C12orf54: variants seen among roughly 807,000 people sequenced by gnomAD.
The protein encoded by C12orf54 is uncharacterized protein C12orf54.
Under a neutral mutation model 26.4 loss-of-function variants are expected in C12orf54, and 24 were observed. The observed-to-expected ratio is 0.91, with a 90% CI of 0.66 to 1.28. The LOEUF is 1.28. C12orf54 is among the 50% of genes most tolerant of loss of function. The pLI is 0.00. For missense variants in C12orf54, 154 were observed against 150.9 expected (o/e 1.02, Z -0.11); for synonymous variants, 54 against 47.0 (o/e 1.15, Z -0.61).
At chr12:48,416,425 G>A in the C12orf54 span, among the ~76,000 whole-genome samples, 4 of 152,148 alleles carry the variant, frequency 2.6e-5, no homozygotes, top group African/African-American at 9.7e-5. Flanking sequence ...TCTTCTGACT[G>A]GAATGTCCTT....
chr12:48,495,434 C>T (rs928185145), intron 8 of C12orf54: 2 of 153,070 alleles, frequency 1.3e-5, no homozygotes, highest in African/African-American at 4.8e-5. Context: ...CACAGTCTAT[C>T]CTTTATAGAC....
At chr12:48,482,814 G>T (rs1954212193) in intron 1 of C12orf54, among the ~76,000 whole-genome samples, 1 of 151,920 alleles carries the variant, frequency 6.6e-6, no homozygotes, top group East Asian at 1.9e-4. Flanking sequence ...GGGAGGGGGT[G>T]GGGTATTTGA....
chr12:48,434,339 G>A, the C12orf54 span, among the ~76,000 whole-genome samples: 1 of 152,204 alleles, frequency 6.6e-6, no homozygotes, highest in African/African-American at 2.4e-5. Flanking sequence ...TCTGGGGGCA[G>A]GGCACAGACA....
chr12:48,479,603 GTT>G (rs201487358), upstream of C12orf54, among the ~76,000 whole-genome samples: 1 of 145,624 alleles, frequency 6.9e-6, no homozygotes, highest in African/African-American at 2.5e-5. Context: ...GTTTTGTTTT[GTT>G]TTTTTTTTTC....
rs1954267942 is a variant in C12orf54, at chr12:48,486,491, G to A, written c.97-197G>A. On this transcript the variant is annotated intron_variant, in intron 3 of 8. Transcript: ENST00000548364. Reference sequence around the variant, plus strand: ...ACCTGTCATGCACCAGCTAGATCCAGAGCGAAGCAGGATATATGGGATGAA... The same window carrying A: ...ACCTGTCATGCACCAGCTAGATCCAAAGCGAAGCAGGATATATGGGATGAA... The A allele has an allele frequency of 4.7e-6, 3 of 643,946 alleles. No homozygotes were observed. In the South Asian group the frequency reaches 5.8e-5, roughly 12 times the overall value. The allele number at this position is 643,946 out of a possible 1,614,324, so 39.9% of individuals were successfully genotyped here.
At chr12:48,425,474 T>A in the C12orf54 span, among the ~76,000 whole-genome samples, 2 of 152,142 alleles carry the variant, frequency 1.3e-5, no homozygotes, top group Admixed American at 6.6e-5. Context: ...ATCCAATCTG[T>A]CATTGATGCA....
upstream of C12orf54, among the ~76,000 whole-genome samples, chr12:48,477,823 G>T (rs1051484136): frequency 1.3e-5 from 2 of 152,168 alleles, no homozygotes; most frequent in Admixed American, 6.5e-5. Context: ...GAGGTACAAA[G>T]GGGAGATGAT....
chr12:48,463,506 C>A, the C12orf54 span, among the ~76,000 whole-genome samples: 1 of 151,796 alleles, frequency 6.6e-6, no homozygotes, highest in African/African-American at 2.4e-5. Context: ...CAAAGAAGAG[C>A]TGGTACCAAG....
intron 4 of C12orf54, 88 bp downstream of exon 4, chr12:48,486,814 C>A: frequency 7.4e-7 from 1 of 1,353,622 alleles, no homozygotes; most frequent in Non-Finnish European, 1.0e-6. Flanking sequence ...CTTTCTCTTT[C>A]CTTGAGCGGT....
At chr12:48,468,739 A>C in the C12orf54 span, among the ~76,000 whole-genome samples, 1 of 152,286 alleles carries the variant, frequency 6.6e-6, no homozygotes, top group South Asian at 2.1e-4. Context: ...CCCAATAGGT[A>C]GTTTTCCAGC....
chr12:48,436,021 A>G, the C12orf54 span, among the ~76,000 whole-genome samples: 4 of 152,152 alleles, frequency 2.6e-5, no homozygotes, highest in African/African-American at 7.2e-5. Context: ...CCCATCTCAC[A>G]TGCAGAGACA....
chr12:48,476,591 C>G, the C12orf54 span, among the ~76,000 whole-genome samples: 27 of 152,246 alleles, frequency 1.8e-4, no homozygotes, highest in African/African-American at 6.3e-4. Flanking sequence ...GCAGGGGTTG[C>G]AATCCTAGTC....
At chr12:48,468,430 G>A in the C12orf54 span, among the ~76,000 whole-genome samples, 1 of 152,156 alleles carries the variant, frequency 6.6e-6, no homozygotes, top group African/African-American at 2.4e-5. Flanking sequence ...TAAGCATGAT[G>A]CAGAGGGAAC....
the C12orf54 span, among the ~76,000 whole-genome samples, chr12:48,469,214 G>T: frequency 2.9e-3 from 440 of 152,300 alleles, 2 homozygotes; most frequent in African/African-American, 9.9e-3. Context: ...CCTAATCCTA[G>T]CAAGCCTGGG....
chr12:48,481,499 G>A (rs776073260), upstream of C12orf54, among the ~76,000 whole-genome samples: 1 of 152,146 alleles, frequency 6.6e-6, no homozygotes, highest in Non-Finnish European at 1.5e-5. Context: ...GAGGGTCCAT[G>A]GTGGTCTCAC....
the C12orf54 span, among the ~76,000 whole-genome samples, chr12:48,475,913 T>C: frequency 6.6e-6 from 1 of 151,808 alleles, no homozygotes; most frequent in Non-Finnish European, 1.5e-5. Context: ...AAGATACTCC[T>C]CGAGAAGAGC....
At chr12:48,446,499 T>G in the C12orf54 span, among the ~76,000 whole-genome samples, 1 of 152,182 alleles carries the variant, frequency 6.6e-6, no homozygotes, top group Non-Finnish European at 1.5e-5. Flanking sequence ...TCAGAAGGGC[T>G]GCTGGGTTAA....
At chr12:48,459,523 C>T in the C12orf54 span, among the ~76,000 whole-genome samples, 1 of 152,118 alleles carries the variant, frequency 6.6e-6, no homozygotes, top group Non-Finnish European at 1.5e-5. Context: ...GCCCTTCCTC[C>T]AAGCCCATCT....
chr12:48,418,258 AG>A, the C12orf54 span, among the ~76,000 whole-genome samples: 2 of 152,234 alleles, frequency 1.3e-5, no homozygotes, highest in Non-Finnish European at 2.9e-5. Flanking sequence ...AGTGTCTGGA[AG>A]GGAAAGACAT....
Sources: gnomAD v4.1 joint callset for allele counts (sites outside exome capture counted in the v4.1 genomes callset) on GRCh38, gnomAD v4.1.1 for gene constraint, MANE v1.5 for transcripts, NCBI Gene and HGNC (gene_info 2026-07-23, HGNC 2026-07-21) for gene names.